The following SOX5 variants were observed in gnomAD, a reference collection of about 807,000 sequenced individuals.
SOX5 encodes the protein transcription factor SOX-5.
A neutral mutation model predicts 92.0 loss-of-function variants in SOX5; 9 were observed. That is an observed-to-expected ratio of 0.10 (90% CI 0.06 to 0.17). The LOEUF is 0.17. Ranked by LOEUF, SOX5 falls within the 10% of genes least tolerant of loss-of-function variation. The pLI is 1.00. For missense variants in SOX5, 642 were observed against 944.5 expected (o/e 0.68, Z 4.20); for synonymous variants, 344 against 336.3 (o/e 1.02, Z -0.25).
intron 4 of SOX5, among the ~76,000 whole-genome samples, chr12:24,212,937 T>A (rs757989029): frequency 7.2e-5 from 11 of 152,134 alleles, no homozygotes; most frequent in Admixed American, 2.6e-4. Context: ...GAAACTCGAT[T>A]TTCATGACCT....
chr12:23,575,399 AG>A (rs1437122384), intron 10 of SOX5, among the ~76,000 whole-genome samples: 1 of 152,246 alleles, frequency 6.6e-6, no homozygotes, highest in Non-Finnish European at 1.5e-5. Context: ...TTAGTCACTT[AG>A]TCCTCTTTTT....
chr12:24,215,031 A>G (rs1959057236), intron 3 of SOX5, among the ~76,000 whole-genome samples: 1 of 152,116 alleles, frequency 6.6e-6, no homozygotes, highest in Non-Finnish European at 1.5e-5. Flanking sequence ...GATGCTGAAA[A>G]GCATCTGACA....
At chr12:23,901,230 C>CT (rs1568793942) in intron 1 of SOX5, among the ~76,000 whole-genome samples, 1 of 151,946 alleles carries the variant, frequency 6.6e-6, no homozygotes, top group South Asian at 2.1e-4. Context: ...AAGATGAGGC[C>CT]GTGAACCAAG....
At chr12:24,475,655 G>T (rs146301584) in intron 1 of SOX5, among the ~76,000 whole-genome samples, 2,316 of 152,298 alleles carry the variant, frequency 0.015, 22 homozygotes, top group Middle Eastern at 0.024. Context: ...TTTATTGGAG[G>T]AAAGTCAACA....
intron 11 of SOX5, among the ~76,000 whole-genome samples, chr12:23,556,099 G>A (rs1945126947): frequency 6.6e-6 from 1 of 151,946 alleles, no homozygotes; most frequent in Non-Finnish European, 1.5e-5. Flanking sequence ...TTCACTAAGG[G>A]GTTTTCCTCT....
At position 24,350,199 on chromosome 12, in the gene SOX5, G is replaced by T. The variant is rs548492665; in HGVS notation, c.-174+18364C>A. On this transcript the variant is annotated intron_variant, in intron 2 of 4. Transcript: ENST00000446891. ...AAGTGCCAACACTGAAAAGGCTCTT[G>T]TTTGTTCCTTCTGTAGAAACCTTAG... is the stretch of plus-strand genomic sequence containing the variant. Among the ~76,000 whole-genome samples, 3 of 152,334 alleles carry T rather than the reference G, an allele frequency of 2.0e-5. No individual in the cohort carries two copies. The East Asian group carries it at 5.8e-4, about 29-fold the overall frequency.
chr12:24,064,144 C>A (rs1023927347), intron 4 of SOX5, among the ~76,000 whole-genome samples: 2 of 152,112 alleles, frequency 1.3e-5, no homozygotes, highest in Non-Finnish European at 2.9e-5. Context: ...TTGGAGACAC[C>A]AACAAGACAT....
At chr12:23,657,863 A>G (rs2082509680) in intron 7 of SOX5, among the ~76,000 whole-genome samples, 1 of 152,238 alleles carries the variant, frequency 6.6e-6, no homozygotes, top group Non-Finnish European at 1.5e-5. Flanking sequence ...ACTAAGCTGA[A>G]TGAGCTTTAG....
At chr12:23,876,666 A>C (rs1234024357) in intron 2 of SOX5, among the ~76,000 whole-genome samples, 1 of 152,232 alleles carries the variant, frequency 6.6e-6, no homozygotes, top group Admixed American at 6.5e-5. Flanking sequence ...AGGATTATAA[A>C]TCATTCTACT....
At chr12:24,191,367 T>C (rs1234549302) in intron 4 of SOX5, among the ~76,000 whole-genome samples, 1 of 152,222 alleles carries the variant, frequency 6.6e-6, no homozygotes, top group Non-Finnish European at 1.5e-5. Flanking sequence ...ATCGGGTCTT[T>C]AATCTGCGTT....
At chr12:24,406,719 T>C (rs145173127) in intron 1 of SOX5, among the ~76,000 whole-genome samples, 1 of 152,258 alleles carries the variant, frequency 6.6e-6, no homozygotes, top group East Asian at 1.9e-4. Flanking sequence ...ACTTAAAATG[T>C]CCAGAGGACT....
At chr12:24,079,408 G>A (rs1389377624) in intron 4 of SOX5, among the ~76,000 whole-genome samples, 2 of 151,786 alleles carry the variant, frequency 1.3e-5, no homozygotes, top group Non-Finnish European at 1.5e-5. Context: ...GCAACTTTGA[G>A]GAAAGTTATT....
chr12:23,552,938 C>T (rs962617835), intron 11 of SOX5, among the ~76,000 whole-genome samples: 5 of 151,952 alleles, frequency 3.3e-5, no homozygotes, highest in African/African-American at 9.7e-5. Context: ...ACACATATCT[C>T]ACAGAAAACA....
chr12:23,926,728 A>C (rs999961013), intron 1 of SOX5, among the ~76,000 whole-genome samples: 4 of 152,100 alleles, frequency 2.6e-5, no homozygotes, highest in Admixed American at 2.0e-4. Context: ...TGTTTATTTA[A>C]TAGTGTCAAA....
intron 3 of SOX5, among the ~76,000 whole-genome samples, chr12:23,761,682 G>C (rs2094567459): frequency 6.6e-6 from 1 of 152,060 alleles, no homozygotes; most frequent in Admixed American, 6.6e-5. Flanking sequence ...TTTTTAAATA[G>C]ACGGCCAAAC....
intron 3 of SOX5, among the ~76,000 whole-genome samples, chr12:23,772,475 G>T (rs890937355): frequency 6.6e-6 from 1 of 152,146 alleles, no homozygotes; most frequent in Non-Finnish European, 1.5e-5. Flanking sequence ...TGAAATACGT[G>T]TATGTCTTTT....
At chr12:24,524,311 T>C (rs1015168804) in intron 1 of SOX5, among the ~76,000 whole-genome samples, 4 of 152,112 alleles carry the variant, frequency 2.6e-5, no homozygotes, top group Non-Finnish European at 5.9e-5. Context: ...TCCATACCCA[T>C]GAGCCAATTT....
At chr12:24,240,061 T>G (rs1965277836) in intron 3 of SOX5, among the ~76,000 whole-genome samples, 1 of 152,196 alleles carries the variant, frequency 6.6e-6, no homozygotes, top group South Asian at 2.1e-4. Context: ...AAATGTGACA[T>G]ACACTGAAGT....
At chr12:23,982,610 T>C (rs913319660) in intron 4 of SOX5, among the ~76,000 whole-genome samples, 3 of 152,126 alleles carry the variant, frequency 2.0e-5, no homozygotes, top group Non-Finnish European at 4.4e-5. Context: ...CTGGAGCTTT[T>C]ATGTTACCTA....
Sources: allele counts gnomAD v4.1 joint callset (sites outside exome capture counted in the v4.1 genomes callset), GRCh38; gene constraint gnomAD v4.1.1; transcripts MANE v1.5; gene names NCBI Gene and HGNC (gene_info 2026-07-23, HGNC 2026-07-21).